ABCC4: variants seen among roughly 807,000 people sequenced by gnomAD.
ABCC4 encodes the protein ATP binding cassette subfamily C member 4 (PEL blood group).
In ABCC4, 102 loss-of-function variants were observed where a neutral mutation model predicts 168.5. That is an observed-to-expected ratio of 0.61 (90% confidence interval 0.52 to 0.71). The LOEUF (loss-of-function observed/expected upper bound fraction) is 0.71. ABCC4 is among the 30% of genes least tolerant of loss of function. The probability of loss-of-function intolerance (pLI) is 0.00; values close to 1 mark genes in which losing one functional copy is unlikely to be tolerated. For synonymous variants in ABCC4, 617 were observed against 590.7 expected, an observed-to-expected ratio of 1.04 and a Z score of -0.65; for missense variants, 1,402 against 1,605.8, an observed-to-expected ratio of 0.87 and a Z score of 2.17.
At chr13:95,153,984 G>A (rs2036775012) in intron 19 of ABCC4, among the ~76,000 whole-genome samples, 1 of 149,808 alleles carries the variant, frequency 6.7e-6, no homozygotes. Context: ...CCATTGTTAT[G>A]TGAAAAAAAC....
intron 19 of ABCC4, among the ~76,000 whole-genome samples, chr13:95,131,339 GT>G (rs1253994132): frequency 6.6e-6 from 1 of 152,054 alleles, no homozygotes; most frequent in Non-Finnish European, 1.5e-5. Flanking sequence ...TCAGGGAAGA[GT>G]TGCCCAGCCA....
At chr13:95,150,328 CA>C (rs2036633419) in intron 19 of ABCC4, among the ~76,000 whole-genome samples, 1 of 152,162 alleles carries the variant, frequency 6.6e-6, no homozygotes, top group Non-Finnish European at 1.5e-5. Context: ...AAGTCTAAGA[CA>C]GGCTTTCCAG....
At chr13:95,236,597 TGCGC>T (rs1284926611) in intron 3 of ABCC4, among the ~76,000 whole-genome samples, 58 of 92,386 alleles carry the variant, frequency 6.3e-4, no homozygotes, top group Admixed American at 1.6e-3. Context: ...AACGCGCGCG[TGCGC>T]GCACACACAC....
At chr13:95,070,244 G>A (rs928348594) in intron 25 of ABCC4, among the ~76,000 whole-genome samples, 2 of 151,930 alleles carry the variant, frequency 1.3e-5, no homozygotes, top group African/African-American at 2.4e-5. Flanking sequence ...ACTCTGTCTC[G>A]AAAAAAGAAT....
intron 20 of ABCC4, among the ~76,000 whole-genome samples, chr13:95,102,951 C>T (rs781522079): frequency 4.6e-5 from 7 of 151,286 alleles, no homozygotes; most frequent in Non-Finnish European, 1.0e-4. Flanking sequence ...CACAGTAGCA[C>T]ACTCAACACT....
chr13:95,169,099 C>T lies in ABCC4; in HGVS notation c.1824+1433G>A, dbSNP rs191281459. ...ATCAACAGTGAGTGCCAGCAAAACC[C>T]CAGAAAGTGGGAGAGGCGAGGAAGG... On this transcript the variant is annotated intron_variant, in intron 14 of 30. Transcript: ENST00000645237. 2.2e-3 allele frequency among the ~76,000 whole-genome samples: 334 copies of T among 152,212 alleles called. 3 individuals are homozygous for T. The highest frequency in any genetic ancestry group is 7.5e-3 in the African/African-American group (313 of 41,532).
intron 19 of ABCC4, among the ~76,000 whole-genome samples, chr13:95,126,637 T>C (rs115630483): frequency 0.012 from 1,843 of 148,986 alleles, 38 homozygotes; most frequent in African/African-American, 0.043. Context: ...GCGCATCATT[T>C]TAATATCTGG....
chr13:95,126,554 T>C (rs2035766603), intron 19 of ABCC4, among the ~76,000 whole-genome samples: 1 of 151,460 alleles, frequency 6.6e-6, no homozygotes, highest in African/African-American at 2.4e-5. Flanking sequence ...CTACCCACCC[T>C]ATGTAAAGCA....
At chr13:95,245,697 AAAC>A (rs375412482) in intron 3 of ABCC4, among the ~76,000 whole-genome samples, 7 of 152,234 alleles carry the variant, frequency 4.6e-5, no homozygotes, top group African/African-American at 1.7e-4. Flanking sequence ...ACCCTGGCCA[AAAC>A]ACCTTTGTCA....
chr13:95,025,960 T>C (rs1446673882), intron 30 of ABCC4, among the ~76,000 whole-genome samples: 2 of 152,318 alleles, frequency 1.3e-5, no homozygotes, highest in East Asian at 3.9e-4. Context: ...CTCACACCTG[T>C]AATCCCAGCA....
chr13:95,286,122 A>ATTTTTTTTTTTTTTT (rs2041249261), intron 1 of ABCC4, among the ~76,000 whole-genome samples: 3 of 51,688 alleles, frequency 5.8e-5, no homozygotes, highest in African/African-American at 1.4e-4. Context: ...TTCCAGAAAA[A>ATTTTTTTTTTTTTTT]CTTTTTTTTT....
chr13:95,140,840 A>G (rs1405678543), intron 19 of ABCC4, among the ~76,000 whole-genome samples: 1 of 152,196 alleles, frequency 6.6e-6, no homozygotes, highest in Non-Finnish European at 1.5e-5. Context: ...TATGTCTGCT[A>G]TTGTAACCTA....
At position 95,301,352 on chromosome 13, in the gene ABCC4, G is replaced by T; in HGVS notation, c.-38C>A. 6.5e-7 allele frequency: 1 copy of T among 1,543,086 alleles called. No homozygotes were observed. The highest frequency in any genetic ancestry group is 8.7e-7 in the Non-Finnish European group (1 of 1,144,590). ...GGCGGGCGCGGGCCGGGGTCGCGCT[G>T]ATCAGGCGGCGGTGGCCGCGGGCTC... On this transcript the variant is annotated 5_prime_UTR_variant, in exon 1 of 31. Coordinates refer to ENST00000645237, the MANE Select transcript of ABCC4 (RefSeq NM_005845.5).
intron 1 of ABCC4, among the ~76,000 whole-genome samples, chr13:95,283,365 T>G (rs921816892): frequency 3.5e-4 from 1 of 2,824 alleles, no homozygotes; most frequent in African/African-American, 6.0e-4. Context: ...TCTGTGGTTT[T>G]TTTTTTTTTT....
chr13:95,068,888 C>A (rs956239784), intron 25 of ABCC4, among the ~76,000 whole-genome samples: 1 of 152,172 alleles, frequency 6.6e-6, no homozygotes, highest in Non-Finnish European at 1.5e-5. Context: ...AAGCAAACAT[C>A]CCCCTGGCCC....
chr13:95,105,709 T>A (rs2034980008), intron 20 of ABCC4, among the ~76,000 whole-genome samples: 1 of 152,080 alleles, frequency 6.6e-6, no homozygotes, highest in Non-Finnish European at 1.5e-5. Context: ...GACACTGAAT[T>A]GCAATGGGGT....
chr13:95,251,498 A>C (rs188626274), intron 1 of ABCC4, among the ~76,000 whole-genome samples: 1 of 152,230 alleles, frequency 6.6e-6, no homozygotes, highest in Non-Finnish European at 1.5e-5. Flanking sequence ...TTTTCAATGG[A>C]TTATGCATTT....
chr13:95,287,459 C>A (rs1252215106), intron 1 of ABCC4, among the ~76,000 whole-genome samples: 1 of 150,988 alleles, frequency 6.6e-6, no homozygotes, highest in South Asian at 2.1e-4. Flanking sequence ...TGGTGGCAGG[C>A]ACCTGTAATC....
At chr13:95,076,446 A>G (rs1451511411) in intron 21 of ABCC4, among the ~76,000 whole-genome samples, 2 of 148,720 alleles carry the variant, frequency 1.3e-5, no homozygotes, top group African/African-American at 4.9e-5. Flanking sequence ...TGTATATCCC[A>G]TGAGGTTCCC....
Sources: allele counts gnomAD v4.1 joint callset (sites outside exome capture counted in the v4.1 genomes callset), GRCh38; gene constraint gnomAD v4.1.1; transcripts MANE v1.5; gene names NCBI Gene and HGNC (gene_info 2026-07-23, HGNC 2026-07-21).